The following CNGB3 variants were observed in gnomAD, a reference collection of about 807,000 sequenced individuals.
CNGB3 encodes cyclic nucleotide gated channel subunit beta 3, also known as cyclic nucleotide-gated channel beta-3.
In CNGB3, 86 loss-of-function variants were observed where a neutral mutation model predicts 92.8. The observed-to-expected ratio is 0.93, with a 90% CI of 0.78 to 1.11. The LOEUF is 1.11. CNGB3 is among the 50% of genes least tolerant of loss of function. The pLI is 0.00. For missense variants in CNGB3, 1,026 were observed against 956.8 expected (o/e 1.07, Z -0.95); for synonymous variants, 333 against 332.7 (o/e 1.00, Z -0.01).
At chr8:86,631,869 T>G (rs1822967981) in intron 11 of CNGB3, among the ~76,000 whole-genome samples, 1 of 152,198 alleles carries the variant, frequency 6.6e-6, no homozygotes, top group South Asian at 2.1e-4. Flanking sequence ...TATCAGGGAC[T>G]TTGCTGACTG....
At chr8:86,636,184 G>T (rs1823067784) in intron 10 of CNGB3, among the ~76,000 whole-genome samples, 1 of 151,950 alleles carries the variant, frequency 6.6e-6, no homozygotes, top group African/African-American at 2.4e-5. Context: ...TAGACAGCCA[G>T]AAACTTTCTC....
At chr8:86,654,131 T>G in intron 6 of CNGB3, 69 bp from the exon 7 acceptor site, 2 of 1,018,966 alleles carry the variant, frequency 2.0e-6, no homozygotes, top group Non-Finnish European at 3.1e-6. Flanking sequence ...ACTTTTAAAT[T>G]TATAACTGTT....
rs554725147 is a variant in CNGB3, at chr8:86,600,711, G to A, written c.1781+3382C>T. On this transcript the variant is annotated intron_variant, in intron 15 of 17. Transcript: ENST00000320005. ...TGCAAGCTCTGCCTCCTGGGTTCAT[G>A]CTATTCTCCTGCCTCAGCCTCCCGA... 3.4e-5 allele frequency among the ~76,000 whole-genome samples: 5 copies of A among 146,476 alleles called. No individual in the cohort carries two copies. In the East Asian group the frequency reaches 1.0e-3, roughly 30 times the overall value.
chr8:86,700,984 G>T (rs1448771887), intron 3 of CNGB3, among the ~76,000 whole-genome samples: 2 of 152,114 alleles, frequency 1.3e-5, no homozygotes, highest in Non-Finnish European at 2.9e-5. Flanking sequence ...ATAGTTTCTG[G>T]ATAATTATCA....
chr8:86,639,952 G>A (rs1051426878), intron 10 of CNGB3, among the ~76,000 whole-genome samples: 4 of 151,934 alleles, frequency 2.6e-5, no homozygotes, highest in Non-Finnish European at 5.9e-5. Flanking sequence ...GGAATTTATC[G>A]AAACTAGGTT....
At chr8:86,720,839 T>TACACACACACAC (rs4024071) in intron 3 of CNGB3, among the ~76,000 whole-genome samples, 23 of 129,918 alleles carry the variant, frequency 1.8e-4, no homozygotes, top group African/African-American at 2.7e-4. Context: ...TATATATGTA[T>TACACACACACAC]ACACACACAC....
chr8:86,667,307 CA>C (rs1453458476), intron 5 of CNGB3, among the ~76,000 whole-genome samples, 174 bp from the exon 6 acceptor site: 1 of 152,198 alleles, frequency 6.6e-6, no homozygotes, highest in Non-Finnish European at 1.5e-5. Context: ...CCGGGCTTTA[CA>C]AGAGATGTTA....
intron 15 of CNGB3, 139 bp from the exon 16 acceptor site, chr8:86,579,391 G>T: frequency 1.0e-6 from 1 of 993,052 alleles, no homozygotes; most frequent in Non-Finnish European, 1.6e-6. Context: ...AGGTGATTGT[G>T]CAGAGAGTGT....
chr8:86,594,277 C>T (rs371701338), intron 15 of CNGB3: 11 of 267,132 alleles, frequency 4.1e-5, no homozygotes, highest in East Asian at 1.2e-4. Context: ...GGATGCCCTC[C>T]GCCATCTGGA....
At chr8:86,622,392 T>G (rs865775259) in intron 13 of CNGB3, among the ~76,000 whole-genome samples, 3,025 of 127,078 alleles carry the variant, frequency 0.024, 89 homozygotes, top group African/African-American at 0.088. Flanking sequence ...TTTTTTTTTT[T>G]GAAAATGGAG....
At chr8:86,667,164 T>G (rs756424255) in intron 5 of CNGB3, 31 bp from the exon 6 acceptor site, 1 of 1,577,994 alleles carries the variant, frequency 6.3e-7, no homozygotes, top group Admixed American at 1.7e-5. Context: ...GAAATCCAAA[T>G]GACATAGAAC....
At chr8:86,694,588 C>T (rs1036086856) in intron 3 of CNGB3, among the ~76,000 whole-genome samples, 24 of 150,680 alleles carry the variant, frequency 1.6e-4, no homozygotes, top group South Asian at 1.1e-3. Context: ...TCAGACGGGG[C>T]GGCCGGGCAG....
intron 3 of CNGB3, among the ~76,000 whole-genome samples, chr8:86,685,656 C>G (rs1285823541): frequency 6.6e-6 from 1 of 152,042 alleles, no homozygotes; most frequent in Admixed American, 6.6e-5. Context: ...AAAGCCCAGT[C>G]TATCTTACTG....
chr8:86,606,109 G>A (rs1822406313), intron 14 of CNGB3, among the ~76,000 whole-genome samples: 1 of 148,640 alleles, frequency 6.7e-6, no homozygotes, highest in Admixed American at 6.7e-5. Flanking sequence ...GTTTTGCATT[G>A]TGTAAAATAC....
rs916955268 is a variant in CNGB3 at position 86,641,074 on chromosome 8, C to T, written c.1178+2677G>A. Among the ~76,000 whole-genome samples, 6 of 152,078 alleles carry T rather than the reference C, an allele frequency of 3.9e-5. No individual in the cohort carries two copies. The South Asian group carries it at 8.3e-4, about 21-fold the overall frequency. On this transcript the variant is annotated intron_variant, in intron 10 of 17. Coordinates refer to ENST00000320005, the MANE Select transcript of CNGB3 (RefSeq NM_019098.5). ...CCCAAATCCACCACAACCAAGATGG[C>T]GATGAAAGTGAACTCTTGTCATCCT...
At chr8:86,642,919 C>T (rs963861176) in intron 10 of CNGB3, among the ~76,000 whole-genome samples, 10 of 151,462 alleles carry the variant, frequency 6.6e-5, no homozygotes, top group African/African-American at 2.4e-4. Context: ...CCATAAAACC[C>T]TTCACTGGTA....
intron 15 of CNGB3, among the ~76,000 whole-genome samples, chr8:86,590,397 T>G (rs1330197768): frequency 2.0e-5 from 3 of 152,136 alleles, no homozygotes; most frequent in Non-Finnish European, 2.9e-5. Context: ...GTTAGCTGGT[T>G]ATTTTGCTCA....
chr8:86,726,499 A>G, intron 3 of CNGB3, 32 bp downstream of exon 3: 1 of 1,613,134 alleles, frequency 6.2e-7, no homozygotes, highest in Non-Finnish European at 8.5e-7. Context: ...CAATATCTCT[A>G]AAATATGTTG....
intron 3 of CNGB3, among the ~76,000 whole-genome samples, chr8:86,695,062 A>G (rs1196286748): frequency 1.3e-5 from 2 of 152,226 alleles, no homozygotes; most frequent in Admixed American, 1.3e-4. Flanking sequence ...CGGGAGGCCA[A>G]GGCTGGCGGA....
Sources: allele counts gnomAD v4.1 joint callset (sites outside exome capture counted in the v4.1 genomes callset), GRCh38; gene constraint gnomAD v4.1.1; transcripts MANE v1.5; gene names NCBI Gene and HGNC (gene_info 2026-07-23, HGNC 2026-07-21).